DNAJC15: variants seen among roughly 807,000 people sequenced by gnomAD.
The protein encoded by DNAJC15 is dnaJ homolog subfamily C member 15.
In DNAJC15, 27 loss-of-function variants were observed where a neutral mutation model predicts 22.4. The observed-to-expected ratio is 1.20, with a 90% CI of 0.89 to 1.66. The LOEUF is 1.66. DNAJC15 is among the 40% of genes most tolerant of loss of function. The pLI is 0.00. For synonymous variants in DNAJC15, 79 were observed against 63.2 expected, an observed-to-expected ratio of 1.25 and a Z score of -1.19; for missense variants, 208 against 187.1, an observed-to-expected ratio of 1.11 and a Z score of -0.65.
At chr13:43,040,311 T>C (rs2040447596) in intron 1 of DNAJC15, among the ~76,000 whole-genome samples, 1 of 152,246 alleles carries the variant, frequency 6.6e-6, no homozygotes, top group Admixed American at 6.5e-5. Context: ...GGTTTTAAAA[T>C]ATTTTTTCTG....
intron 5 of DNAJC15, among the ~76,000 whole-genome samples, chr13:43,106,636 A>G (rs1043518541): frequency 3.9e-5 from 6 of 152,042 alleles, no homozygotes; most frequent in African/African-American, 1.4e-4. Context: ...ATTTATCTCT[A>G]TTAAGTAAAT....
intron 1 of DNAJC15, among the ~76,000 whole-genome samples, chr13:43,034,141 T>C (rs1414481184): frequency 6.6e-6 from 1 of 151,980 alleles, no homozygotes; most frequent in African/African-American, 2.4e-5. Flanking sequence ...GCGGCAGTAT[T>C]TGTGAGTTTT....
chr13:43,056,623 G>C (rs2040532806), intron 1 of DNAJC15, among the ~76,000 whole-genome samples: 1 of 152,174 alleles, frequency 6.6e-6, no homozygotes, highest in Admixed American at 6.5e-5. Context: ...CAGTGAAGTA[G>C]TGAAGTCCCC....
chr13:43,085,918 A>T, intron 5 of DNAJC15, 80 bp downstream of exon 5: 1 of 1,288,248 alleles, frequency 7.8e-7, no homozygotes, highest in Admixed American at 2.1e-5. Context: ...CATATATGAT[A>T]TATAGTTGAG....
intron 1 of DNAJC15, among the ~76,000 whole-genome samples, chr13:43,060,401 A>C (rs12146957): frequency 0.22 from 33,542 of 152,068 alleles, 4,411 homozygotes; most frequent in Non-Finnish European, 0.3. Context: ...GGTCCGAATA[A>C]AAGAAGGAGG....
chr13:43,055,252 ACT>A (rs1361314285), intron 1 of DNAJC15, among the ~76,000 whole-genome samples: 1 of 151,462 alleles, frequency 6.6e-6, no homozygotes, highest in Non-Finnish European at 1.5e-5. Flanking sequence ...AAAAAAAAAA[ACT>A]CTGCTCTATA....
At chr13:43,092,758 A>G (rs1045914426) in intron 5 of DNAJC15, among the ~76,000 whole-genome samples, 1 of 152,126 alleles carries the variant, frequency 6.6e-6, no homozygotes, top group Admixed American at 6.5e-5. Context: ...GTAAAAATTT[A>G]AAAAAATTAG....
In DNAJC15 at chr13:43,112,708, C is replaced by T. The variant is rs1336965679; in HGVS notation, c.*5460C>T. The T allele has an allele frequency of 6.6e-6, 1 of 152,164 alleles. No individual in the cohort carries two copies. The highest frequency in any genetic ancestry group is 1.9e-4 in the East Asian group (1 of 5,204). 9.4% of individuals were successfully genotyped at this position (152,164 alleles called of 1,614,324 possible). ...CCCATTTTACAGGTTAAGAAACAGG[C>T]TCAGAGGAGTTTAGGATCTTTTCCA... On this transcript the variant is annotated 3_prime_UTR_variant, in exon 6 of 6. Coordinates refer to ENST00000379221, the MANE Select transcript of DNAJC15 (RefSeq NM_013238.3).
At chr13:43,070,937 G>T (rs536323518) in intron 3 of DNAJC15, among the ~76,000 whole-genome samples, 1 of 152,152 alleles carries the variant, frequency 6.6e-6, no homozygotes, top group East Asian at 1.9e-4. Context: ...GGTGATAGAT[G>T]ATGGTGGCTT....
At chr13:43,049,635 C>T (rs2040493756) in intron 1 of DNAJC15, among the ~76,000 whole-genome samples, 2 of 152,168 alleles carry the variant, frequency 1.3e-5, no homozygotes, top group South Asian at 4.1e-4. Context: ...AAGGTATGGT[C>T]AGGAGTTCTG....
At chr13:43,098,140 G>A (rs2153442128) in intron 5 of DNAJC15, among the ~76,000 whole-genome samples, 1 of 152,266 alleles carries the variant, frequency 6.6e-6, no homozygotes, top group Middle Eastern at 3.4e-3. Flanking sequence ...ATGTATATGT[G>A]AAGTCCCTCT....
intron 4 of DNAJC15, among the ~76,000 whole-genome samples, chr13:43,079,926 C>T (rs375975610): frequency 5.9e-5 from 9 of 152,048 alleles, no homozygotes; most frequent in African/African-American, 9.7e-5. Context: ...AGTATATATG[C>T]GTACAAATAC....
At position 43,087,976 on chromosome 13, in the gene DNAJC15, T is replaced by C. The variant is rs1021984931; in HGVS notation, c.382+2138T>C. The stretch of plus-strand genomic sequence containing the variant: ...TGATCTAATGCTTTCAAGGCTAATA[T>C]CTTTTAGATTACTGCTTTTCTTAAA... On this transcript the variant is annotated intron_variant, in intron 5 of 5. Transcript: ENST00000379221. Among the ~76,000 whole-genome samples, 71 of 152,220 alleles carry C rather than the reference T, an allele frequency of 4.7e-4. 1 individual carries two copies. Among genetic ancestry groups the C allele is most frequent in the African/African-American group, 1.6e-3 (68 of 41,464 alleles).
intron 1 of DNAJC15, among the ~76,000 whole-genome samples, chr13:43,062,275 G>A (rs571030924): frequency 2.6e-5 from 4 of 152,238 alleles, no homozygotes; most frequent in South Asian, 4.2e-4. Flanking sequence ...AGGAGCTGTG[G>A]CCAAAAAAGA....
rs544369240 is a variant in DNAJC15, at chr13:43,052,165, A to G, written c.109-13521A>G. Among the ~76,000 whole-genome samples, 38 of 152,050 alleles carry G rather than the reference A, an allele frequency of 2.5e-4. No homozygotes were observed. In the East Asian group the frequency reaches 6.8e-3, roughly 27 times the overall value. On this transcript the variant is annotated intron_variant, in intron 1 of 5. Coordinates refer to ENST00000379221, the MANE Select transcript of DNAJC15 (RefSeq NM_013238.3). ...TTTTTAGTAGAGACAGGGTTTCACC[A>G]TATTGGCCAGGATGGTCTCGATCTC...
intron 4 of DNAJC15, 88 bp from the exon 5 acceptor site, chr13:43,085,680 G>A: frequency 1.0e-6 from 1 of 986,404 alleles, no homozygotes; most frequent in Non-Finnish European, 1.5e-6. Flanking sequence ...TTCTCATTAG[G>A]TATAATTTTT....
intron 1 of DNAJC15, among the ~76,000 whole-genome samples, chr13:43,037,089 G>T (rs1215975001): frequency 2.0e-5 from 3 of 152,226 alleles, no homozygotes; most frequent in African/African-American, 7.2e-5. Flanking sequence ...CAGCTCTGCT[G>T]AATGTCCAGC....
intron 3 of DNAJC15, among the ~76,000 whole-genome samples, chr13:43,073,944 G>GA: frequency 6.8e-6 from 1 of 146,320 alleles, no homozygotes; most frequent in East Asian, 1.9e-4. Flanking sequence ...TTCTGGGGGA[G>GA]AAAACCCATC....
chr13:43,078,626 C>T lies in DNAJC15; in HGVS notation c.249C>T (p.Tyr83=). 6.2e-7 allele frequency: 1 copy of T among 1,613,242 alleles called. No individual in the cohort carries two copies. Among genetic ancestry groups the T allele is most frequent in the African/African-American group, 1.3e-5 (1 of 74,974 alleles). The change falls in exon 4 of 6, where the codon TAC becomes TAT. Residue 83 remains tyrosine, a synonymous_variant. Coordinates refer to ENST00000379221, the MANE Select transcript of DNAJC15 (RefSeq NM_013238.3). ...KKISTPSFSS[Y]YKGGFEQKMS... ...TTCCTATACAGAGCTTTTCATCCTA[C>T]TATAAAGGAGGATTTGAACAGAAAA...
Sources: gnomAD v4.1 joint callset for allele counts (sites outside exome capture counted in the v4.1 genomes callset) on GRCh38, gnomAD v4.1.1 for gene constraint, MANE v1.5 for transcripts, NCBI Gene and HGNC (gene_info 2026-07-23, HGNC 2026-07-21) for gene names.